JAG1: variants seen among roughly 807,000 people sequenced by gnomAD.
The protein encoded by JAG1 is jagged canonical Notch ligand 1.
A neutral mutation model predicts 148.7 loss-of-function variants in JAG1; 23 were observed. The observed-to-expected ratio is 0.15, with a 90% CI of 0.11 to 0.22. The LOEUF (loss-of-function observed/expected upper bound fraction) is 0.22, where lower values mean the gene tolerates loss of function less well. JAG1 is among the 10% of genes least tolerant of loss of function. The pLI is 1.00. For missense variants in JAG1, 1,054 were observed against 1,611.2 expected, an observed-to-expected ratio of 0.65 and a Z score of 5.92; for synonymous variants, 572 against 598.3, an observed-to-expected ratio of 0.96 and a Z score of 0.64.
rs975916461 is a variant in JAG1, at chr20:10,644,295, C to T, written c.2372+62G>A. Reference sequence around the variant, plus strand: ...TGATTCTCACACACACACACACACACACACACACACACACACACACGATAG... The same window carrying T: ...TGATTCTCACACACACACACACACATACACACACACACACACACACGATAG... On this transcript the variant is annotated intron_variant, in intron 19 of 25. Transcript: ENST00000254958. 19 of 1,248,994 alleles carry T rather than the reference C, an allele frequency of 1.5e-5. 1 individual carries two copies. The highest frequency in any genetic ancestry group is 2.2e-5 in the Non-Finnish European group (19 of 851,550). 77.4% of individuals were successfully genotyped at this position (1,248,994 alleles called of 1,614,324 possible). A position where few individuals can be genotyped will look rare whatever the true frequency, so the allele number is the denominator to read the frequency against.
At chr20:10,660,024 A>G (rs2067405507) in intron 3 of JAG1, among the ~76,000 whole-genome samples, 1 of 152,216 alleles carries the variant, frequency 6.6e-6, no homozygotes, top group Non-Finnish European at 1.5e-5. Context: ...CACCTTGTCA[A>G]ATTCAAGACC....
At position 10,641,833 on chromosome 20, in the gene JAG1, C is replaced by T. The variant is rs750102792; in HGVS notation, c.2632G>A (p.Asp878Asn). 6.2e-7 allele frequency: 1 copy of T among 1,614,208 alleles called. No individual in the cohort carries two copies. The highest frequency in any genetic ancestry group is 1.3e-5 in the African/African-American group (1 of 75,064). The change falls in exon 22 of 26, where the codon GAT (aspartate) becomes AAT (asparagine). Residue 878 changes from aspartate (D) to asparagine (N), a missense_variant. Asp to Asn is a conservative substitution (Grantham distance 23, BLOSUM62 1). This residue lies in a region of JAG1 where 342 missense variants were observed against 514.6 expected (regional missense o/e 0.66). Coordinates refer to ENST00000254958, the MANE Select transcript of JAG1 (RefSeq NM_000214.3). ...AGGCACTGGCAGGTATTACAGTCATCATCCCATTTGGCCCCATCTGGTATC... is the reference window on the plus strand; with the variant it reads ...AGGCACTGGCAGGTATTACAGTCATTATCCCATTTGGCCCCATCTGGTATC... ...SVIPDGAKWD[D>N]DCNTCQCLNG...
chr20:10,661,257 A>G (rs2067415281), intron 3 of JAG1, among the ~76,000 whole-genome samples: 2 of 152,130 alleles, frequency 1.3e-5, no homozygotes, highest in South Asian at 4.1e-4. Flanking sequence ...TGATAGAAGG[A>G]ATTCTCTGCC....
chr20:10,664,540 ACT>A (rs1159366330), intron 2 of JAG1, among the ~76,000 whole-genome samples: 3 of 151,522 alleles, frequency 2.0e-5, no homozygotes, highest in Non-Finnish European at 2.9e-5. Flanking sequence ...CCCTTTGAAA[ACT>A]CTGTCTATGT....
intron 18 of JAG1, 83 bp downstream of exon 18, chr20:10,644,780 T>C (rs1450044033): frequency 8.2e-6 from 8 of 971,808 alleles, no homozygotes; most frequent in Non-Finnish European, 1.2e-5. Context: ...ACAGCTCTGC[T>C]TCTGGTTTCC....
At chr20:10,649,032 A>G (rs779217316) in intron 11 of JAG1, 29 bp downstream of exon 11, 52 of 1,573,144 alleles carry the variant, frequency 3.3e-5, no homozygotes, top group Non-Finnish European at 4.6e-5. Flanking sequence ...CAATTGTCAA[A>G]GTTTTGATTT....
chr20:10,655,907 G>A (rs917436798), intron 5 of JAG1, among the ~76,000 whole-genome samples: 2 of 152,074 alleles, frequency 1.3e-5, no homozygotes, highest in African/African-American at 4.8e-5. Context: ...AAGATTCCAG[G>A]GCAGCCATTA....
intron 5 of JAG1, among the ~76,000 whole-genome samples, chr20:10,654,814 G>A (rs1159966436): frequency 6.6e-6 from 1 of 152,186 alleles, no homozygotes. Context: ...TGGAAACAAA[G>A]CCTGTTGTTC....
chr20:10,654,894 C>T (rs1395029274), intron 5 of JAG1, among the ~76,000 whole-genome samples: 1 of 152,160 alleles, frequency 6.6e-6, no homozygotes, highest in Non-Finnish European at 1.5e-5. Context: ...TCACAGTCGG[C>T]CTCCGCTGAT....
chr20:10,665,301 C>T (rs1423093207), intron 2 of JAG1, among the ~76,000 whole-genome samples: 1 of 152,062 alleles, frequency 6.6e-6, no homozygotes, highest in Non-Finnish European at 1.5e-5. Context: ...TGTGATAGAC[C>T]CTGCCTTGGA....
Position 10,639,680 on chromosome 20 carries a change from C to T in JAG1, c.3475G>A (p.Asp1159Asn), listed in dbSNP as rs1190927301. The T allele has an allele frequency of 6.2e-7, 1 of 1,614,204 alleles. No individual in the cohort carries two copies. The highest frequency in any genetic ancestry group is 8.5e-7 in the Non-Finnish European group (1 of 1,180,044). ...IRTHNSEVEE[D>N]DMDKHQQKAR... The stretch of plus-strand genomic sequence containing the variant: ...TTCTGCTGGTGTTTGTCCATGTCGT[C>T]CTCTTCTACTTCAGAATTGTGTGTC... The change falls in exon 26 of 26, where the codon GAC becomes AAC. Residue 1159 changes from aspartate (D) to asparagine (N), a missense_variant. Coordinates refer to ENST00000254958, the MANE Select transcript of JAG1 (RefSeq NM_000214.3).
At chr20:10,644,795 C>A (rs1209575958) in intron 18 of JAG1, 68 bp downstream of exon 18, 2 of 1,116,952 alleles carry the variant, frequency 1.8e-6, no homozygotes, top group African/African-American at 3.1e-5. Context: ...GTTTCCATTG[C>A]AAGTCCCCAA....
At position 10,648,130 on chromosome 20, in the gene JAG1, C is replaced by T. The variant is rs140937305; in HGVS notation, c.1570-20G>A. The T allele has an allele frequency of 3.1e-4, 508 of 1,613,944 alleles. 8 individuals carry two copies. The East Asian group carries it at 0.011, about 34-fold the overall frequency. On this transcript the variant is annotated intron_variant, in intron 12 of 25. Transcript: ENST00000254958. ...GTCCAGCTGCAAATATCAGGAACAG[C>T]GAAAAGGGGGAGGGATCAGAGTAAA...
chr20:10,658,823 TTCTA>T (rs2067395389), intron 3 of JAG1, 101 bp from the exon 4 acceptor site: 1 of 1,297,254 alleles, frequency 7.7e-7, no homozygotes, highest in African/African-American at 1.5e-5. Flanking sequence ...TGCTACAAAA[TTCTA>T]TCTGTTGTAA....
chr20:10,663,988 C>T lies in JAG1; in HGVS notation c.414G>A (p.Ala138=), dbSNP rs371682149. 293 of 1,613,946 alleles carry T rather than the reference C, an allele frequency of 1.8e-4. 1 individual carries two copies. Among genetic ancestry groups the T allele is most frequent in the South Asian group, 3.3e-4 (30 of 91,082 alleles). Reference sequence around the variant, plus strand: ...GAACGGTGTCATTACTGGAATCCCACGCCTCCACAAGCAACGTATAGGACC... The same window carrying T: ...GAACGGTGTCATTACTGGAATCCCATGCCTCCACAAGCAACGTATAGGACC... The part of the protein sequence containing the change: ...WPRSYTLLVE[A]WDSSNDTVQP... The change falls in exon 3 of 26, where the codon GCG becomes GCA. Residue 138 remains alanine (A), a synonymous_variant. Transcript: ENST00000254958.
chr20:10,663,659 C>T (rs2067432541), intron 3 of JAG1, among the ~76,000 whole-genome samples: 1 of 152,196 alleles, frequency 6.6e-6, no homozygotes, highest in African/African-American at 2.4e-5. Context: ...GATCCTTTAG[C>T]AGACTACAAG....
intron 21 of JAG1, 64 bp from the exon 22 acceptor site, chr20:10,641,956 G>C: frequency 9.3e-7 from 1 of 1,078,984 alleles, no homozygotes; most frequent in South Asian, 1.2e-5. Flanking sequence ...TCAATTCTTT[G>C]GTCCCTGTTA....
Position 10,658,451 on chromosome 20 carries a change from C to T in JAG1, c.694+17G>A, listed in dbSNP as rs1342386550. On this transcript the variant is annotated intron_variant, in intron 4 of 25. Coordinates refer to ENST00000254958, the MANE Select transcript of JAG1 (RefSeq NM_000214.3). ...AAAGCAACAGGCACACGTGCACATG[C>T]ACACACACACACATACCTCTGTTAC... 2.6e-6 allele frequency: 4 copies of T among 1,543,338 alleles called. No individual in the cohort carries two copies. The Admixed American group carries it at 6.8e-5, about 26-fold the overall frequency.
chr20:10,672,738 C>A lies in JAG1; in HGVS notation c.350G>T (p.Arg117Leu), dbSNP rs764784749. The change falls in exon 2 of 26, where the codon CGC becomes CTC. Residue 117 changes from arginine (R) to leucine (L), a missense_variant. Physicochemically the swap from Arg to Leu is moderately radical, Grantham distance 102 (BLOSUM62 -2). Transcript: ENST00000254958. ...FNLKASRGND[R>L]NRIVLPFSFA... ...ACTGAAAGGCAGCACGATGCGGTTG[C>A]GGTCGTTGCCGCGGCTGGCCTTGAG... The A allele has an allele frequency of 1.2e-6, 2 of 1,613,014 alleles. No individual in the cohort carries two copies. The highest frequency in any genetic ancestry group is 1.7e-6 in the Non-Finnish European group (2 of 1,180,016).
Sources: allele counts gnomAD v4.1 joint callset (sites outside exome capture counted in the v4.1 genomes callset), GRCh38; gene constraint gnomAD v4.1.1; regional missense constraint gnomAD v4.1.1; transcripts MANE v1.5; gene names NCBI Gene and HGNC (gene_info 2026-07-23, HGNC 2026-07-21).